PDZD2: variants seen among roughly 807,000 people sequenced by gnomAD.
PDZD2 encodes PDZ domain-containing protein 2.
A neutral mutation model predicts 220.7 loss-of-function variants in PDZD2; 90 were observed. The observed-to-expected ratio is 0.41, with a 90% CI of 0.34 to 0.49. The LOEUF (loss-of-function observed/expected upper bound fraction) is 0.49, where lower values mean the gene tolerates loss of function less well. PDZD2 is among the 20% of genes least tolerant of loss of function. PDZD2 has a pLI of 0.28. For synonymous variants in PDZD2, 1,375 were observed against 1,450.5 expected (o/e 0.95, Z 1.18); for missense variants, 3,174 against 3,608.5 (o/e 0.88, Z 3.08).
At chr5:31,724,493 T>C (rs1267683070) in intron 1 of PDZD2, among the ~76,000 whole-genome samples, 1 of 150,832 alleles carries the variant, frequency 6.6e-6, no homozygotes, top group East Asian at 2.0e-4. Flanking sequence ...TCCCAGCTAC[T>C]CTGAAGACTG....
chr5:32,095,019 C>A (rs1027926707), intron 21 of PDZD2, among the ~76,000 whole-genome samples: 1 of 152,210 alleles, frequency 6.6e-6, no homozygotes, highest in African/African-American at 2.4e-5. Flanking sequence ...CTGAGACCAC[C>A]AGTCAAGGGG....
At chr5:31,809,655 A>G (rs58091775) in intron 2 of PDZD2, among the ~76,000 whole-genome samples, 1,722 of 152,274 alleles carry the variant, frequency 0.011, 27 homozygotes, top group African/African-American at 0.038. Flanking sequence ...CCAACACTAC[A>G]ATGGCCAGTG....
At chr5:31,874,494 C>G (rs1429507170) in intron 2 of PDZD2, among the ~76,000 whole-genome samples, 1 of 152,114 alleles carries the variant, frequency 6.6e-6, no homozygotes, top group Non-Finnish European at 1.5e-5. Context: ...GGTGTGGTGG[C>G]TCACACCTGT....
At chr5:31,899,013 T>G (rs7712821) in intron 2 of PDZD2, among the ~76,000 whole-genome samples, 89,534 of 151,024 alleles carry the variant, frequency 0.59, 28,078 homozygotes, top group Middle Eastern at 0.73. Context: ...TATTTTAGTA[T>G]AGACGGGGTT....
chr5:31,882,277 CCTT>C (rs1267794591), intron 2 of PDZD2, among the ~76,000 whole-genome samples: 1 of 152,158 alleles, frequency 6.6e-6, no homozygotes. Flanking sequence ...TGGCTCACCT[CCTT>C]AAGTTCCCAC....
At chr5:31,849,871 CATATATAT>C (rs1205582836) in intron 2 of PDZD2, among the ~76,000 whole-genome samples, 1 of 50,570 alleles carries the variant, frequency 2.0e-5, no homozygotes, top group African/African-American at 2.2e-4. Flanking sequence ...TATATATATA[CATATATAT>C]ATATATATAC....
intron 2 of PDZD2, among the ~76,000 whole-genome samples, chr5:31,835,044 T>TA (rs1323864066): frequency 6.6e-6 from 1 of 152,070 alleles, no homozygotes; most frequent in Non-Finnish European, 1.5e-5. Context: ...TTTTGAGAAA[T>TA]ATGTGCTAGT....
intron 1 of PDZD2, among the ~76,000 whole-genome samples, chr5:31,716,497 G>T (rs73056533): frequency 8.3e-4 from 127 of 152,224 alleles, no homozygotes; most frequent in African/African-American, 2.9e-3. Context: ...GGGTAAGCAG[G>T]TTTAGAATTG....
At position 31,732,344 on chromosome 5, in the gene PDZD2, CTT is replaced by C. The variant is rs150253390; in HGVS notation, c.-360-66543_-360-66542del. On this transcript the variant is annotated intron_variant, in intron 1 of 24. Coordinates refer to ENST00000438447, the MANE Select transcript of PDZD2 (RefSeq NM_178140.4). ...TTGAGGTGACTCAATGATGTCATCT[CTT>C]TGTCCTATCCATGAGCTTTTTGCAG... 2.1e-3 allele frequency among the ~76,000 whole-genome samples: 323 copies of C among 152,288 alleles called. 1 individual carries two copies. The highest frequency in any genetic ancestry group is 7.4e-3 in the African/African-American group (309 of 41,556).
intron 2 of PDZD2, among the ~76,000 whole-genome samples, chr5:31,897,817 A>T (rs538555883): frequency 7.9e-5 from 12 of 151,858 alleles, no homozygotes; most frequent in Non-Finnish European, 2.9e-5. Context: ...GCTCACTGCA[A>T]CCTCTACCTC....
At position 32,089,746 on chromosome 5, in the gene PDZD2, G is replaced by A; in HGVS notation, c.6298G>A (p.Val2100Met). ...AATCGTGGAGATTTCTGCTGAAGCA[G>A]TGTCAGAGACTGTATGTGGTAACAA... ...LKIVEISAEA[V>M]SETVCGNKPA... Residue 2100 changes from valine to methionine, a missense_variant, in exon 20 of 25, where the codon GTG becomes ATG. Val to Met is a conservative substitution (Grantham distance 21). Coordinates refer to ENST00000438447, the MANE Select transcript of PDZD2 (RefSeq NM_178140.4). The A allele has an allele frequency of 6.2e-7, 1 of 1,614,208 alleles. No individual in the cohort carries two copies. Among genetic ancestry groups the A allele is most frequent in the Non-Finnish European group, 8.5e-7 (1 of 1,180,038 alleles).
In PDZD2 at chr5:32,000,350, A is replaced by G; in HGVS notation, c.1254+79A>G. The stretch of plus-strand genomic sequence containing the variant: ...TTGAGCCCCACCTCCCATGCCACAC[A>G]CACACACAAAGACATGTGTGCACTT... On this transcript the variant is annotated intron_variant, in intron 5 of 24. Coordinates refer to ENST00000438447, the MANE Select transcript of PDZD2 (RefSeq NM_178140.4). The surrounding 1 kb of genome is among the most constrained non-coding windows in gnomAD (Gnocchi z 4.5). The G allele has an allele frequency of 7.0e-7, 1 of 1,429,536 alleles. No individual in the cohort carries two copies. The highest frequency in any genetic ancestry group is 9.8e-7 in the Non-Finnish European group (1 of 1,016,572). 88.6% of individuals were successfully genotyped at this position (1,429,536 alleles called of 1,614,324 possible).
At position 31,818,259 on chromosome 5, in the gene PDZD2, A is replaced by G. The variant is rs544008330; in HGVS notation, c.476+18535A>G. Among the ~76,000 whole-genome samples the G allele has an allele frequency of 3.1e-3, 472 of 151,406 alleles. 2 individuals carry two copies. Among genetic ancestry groups the G allele is most frequent in the African/African-American group, 0.011 (457 of 41,478 alleles). On this transcript the variant is annotated intron_variant, in intron 2 of 24. Transcript: ENST00000438447. Reference sequence around the variant, plus strand: ...AGTGTTGCGATTATAGGCGTGAGCCACCACACCCAGCCTCTCAATTTTCGT... The same window carrying G: ...AGTGTTGCGATTATAGGCGTGAGCCGCCACACCCAGCCTCTCAATTTTCGT...
chr5:32,053,495 T>C (rs1738784227), intron 9 of PDZD2, among the ~76,000 whole-genome samples: 2 of 152,238 alleles, frequency 1.3e-5, no homozygotes, highest in African/African-American at 2.4e-5. Flanking sequence ...TTGTCAAATA[T>C]TGGCAATTTG....
chr5:31,669,503 C>T (rs547838396), intron 1 of PDZD2, among the ~76,000 whole-genome samples: 1 of 152,190 alleles, frequency 6.6e-6, no homozygotes, highest in African/African-American at 2.4e-5. Context: ...CCTCATCTCC[C>T]GTGTGGATTG....
In PDZD2 at chr5:31,909,074, T is replaced by C. The variant is rs924091630; in HGVS notation, c.477-74081T>C. On this transcript the variant is annotated intron_variant, in intron 2 of 24. Transcript: ENST00000438447. ...CAAAAAGCTACCAGTTCTTTCTGTA[T>C]TGGGGAAACCATGAATCCAGGTGGC... 25 of 186,924 alleles carry C rather than the reference T, an allele frequency of 1.3e-4. 1 individual carries two copies. The Admixed American group carries it at 1.4e-3, about 10-fold the overall frequency. 11.6% of individuals were successfully genotyped at this position (186,924 alleles called of 1,614,324 possible).
At chr5:32,002,940 CGAACA>C (rs1561314651) in intron 5 of PDZD2, among the ~76,000 whole-genome samples, 43 of 108,780 alleles carry the variant, frequency 4.0e-4, no homozygotes, top group African/African-American at 1.4e-3. Flanking sequence ...TCACACACCA[CGAACA>C]CACACACACC....
intron 2 of PDZD2, among the ~76,000 whole-genome samples, chr5:31,808,522 C>T (rs1412310626): frequency 2.0e-5 from 3 of 152,138 alleles, no homozygotes; most frequent in Admixed American, 6.5e-5. Context: ...TGGAAGGTAT[C>T]CCAGGGTTCA....
At chr5:32,099,001 A>C (rs895191320) in intron 23 of PDZD2, among the ~76,000 whole-genome samples, 5 of 152,170 alleles carry the variant, frequency 3.3e-5, no homozygotes, top group Admixed American at 3.3e-4. Flanking sequence ...GAAATTCCAG[A>C]ACTAAGATTT....
Sources: allele counts gnomAD v4.1 joint callset (sites outside exome capture counted in the v4.1 genomes callset), GRCh38; gene constraint gnomAD v4.1.1; non-coding constraint Gnocchi (gnomAD v3.1); transcripts MANE v1.5; gene names NCBI Gene and HGNC (gene_info 2026-07-23, HGNC 2026-07-21).